EFHD1: variants seen among roughly 807,000 people sequenced by gnomAD.
EFHD1 encodes the protein EF-hand domain-containing protein D1.
Under a neutral mutation model 17.2 loss-of-function variants are expected in EFHD1, and 10 were observed. That is an observed-to-expected ratio of 0.58 (90% CI 0.36 to 0.99). The LOEUF (loss-of-function observed/expected upper bound fraction) is 0.99, where lower values mean the gene tolerates loss of function less well. EFHD1 is among the 50% of genes least tolerant of loss of function. The probability of loss-of-function intolerance (pLI) is 0.01; values close to 1 mark genes in which losing one functional copy is unlikely to be tolerated. For synonymous variants in EFHD1, 153 were observed against 142.0 expected (o/e 1.08, Z -0.55); for missense variants, 310 against 327.5 (o/e 0.95, Z 0.41).
chr2:232,651,469 G>C lies in EFHD1; in HGVS notation c.303-11333G>C, dbSNP rs549342792. ...TGTCTTAAGGGGCTTTCACACTGCA[G>C]TTGCTTGGAGAACCTTCTAGCAGGT... On this transcript the variant is annotated intron_variant, in intron 1 of 3. Transcript: ENST00000264059. 2.0e-5 allele frequency among the ~76,000 whole-genome samples: 3 copies of C among 152,310 alleles called. No homozygotes were observed. In the East Asian group the frequency reaches 5.8e-4, roughly 29 times the overall value.
At chr2:232,611,586 C>G (rs1050997975) in intron 1 of EFHD1, 4 of 152,254 alleles carry the variant, frequency 2.6e-5, no homozygotes, top group African/African-American at 9.6e-5. Flanking sequence ...CTCCCTCCCC[C>G]GGGGCAGAAC....
chr2:232,622,189 C>G (rs114580617), intron 1 of EFHD1, among the ~76,000 whole-genome samples: 1 of 152,282 alleles, frequency 6.6e-6, no homozygotes, highest in South Asian at 2.1e-4. Context: ...CATCTGGGGC[C>G]GGGCATGGTG....
At chr2:232,637,579 A>C (rs919611077) in intron 1 of EFHD1, among the ~76,000 whole-genome samples, 3 of 151,910 alleles carry the variant, frequency 2.0e-5, no homozygotes, top group African/African-American at 7.3e-5. Context: ...CCTGACCTCA[A>C]ATGATCCACC....
chr2:232,632,612 C>A (rs971243215), upstream of EFHD1, among the ~76,000 whole-genome samples: 1 of 152,000 alleles, frequency 6.6e-6, no homozygotes, highest in Non-Finnish European at 1.5e-5. Context: ...TTTTTCCTCC[C>A]CCTCTCCCTC....
intron 1 of EFHD1, chr2:232,638,320 G>A (rs1045796490): frequency 8.5e-6 from 4 of 470,648 alleles, no homozygotes; most frequent in Admixed American, 2.4e-5. Flanking sequence ...GGTTTTTGCA[G>A]CATACTAAAA....
At chr2:232,616,333 C>G (rs1264918626) in intron 1 of EFHD1, among the ~76,000 whole-genome samples, 1 of 151,966 alleles carries the variant, frequency 6.6e-6, no homozygotes, top group Admixed American at 6.6e-5. Flanking sequence ...GAGTCTCACT[C>G]TGTCGCCCAA....
intron 1 of EFHD1, among the ~76,000 whole-genome samples, chr2:232,636,917 C>T (rs987405140): frequency 7.9e-5 from 12 of 152,102 alleles, no homozygotes; most frequent in Admixed American, 7.2e-4. Context: ...TGATTTAGCC[C>T]ACAGTTTGAG....
At chr2:232,675,619 A>G (rs1270587582) in intron 3 of EFHD1, among the ~76,000 whole-genome samples, 1 of 152,140 alleles carries the variant, frequency 6.6e-6, no homozygotes, top group Non-Finnish European at 1.5e-5. Context: ...GGAGCCGTTG[A>G]GTGTTTGAGC....
chr2:232,657,204 C>G (rs1426879770), intron 1 of EFHD1, among the ~76,000 whole-genome samples: 1 of 152,172 alleles, frequency 6.6e-6, no homozygotes, highest in East Asian at 1.9e-4. Flanking sequence ...AAACTCTGTC[C>G]CCATTCAACA....
rs554461855 is a variant in EFHD1 at position 232,659,834 on chromosome 2, G to T, written c.303-2968G>T. ...GCAGCGTGTGCTTGGCTTCTGGGGAGGCCTCAGGAAACTTACAACCATGGC... is the reference window on the plus strand; with the variant it reads ...GCAGCGTGTGCTTGGCTTCTGGGGATGCCTCAGGAAACTTACAACCATGGC... On this transcript the variant is annotated intron_variant, in intron 1 of 3. Transcript: ENST00000264059. Among the ~76,000 whole-genome samples, 3 of 152,300 alleles carry T rather than the reference G, an allele frequency of 2.0e-5. No homozygotes were observed. The East Asian group carries it at 5.8e-4, about 29-fold the overall frequency.
chr2:232,655,998 G>A (rs1694754835), intron 1 of EFHD1, among the ~76,000 whole-genome samples: 1 of 151,856 alleles, frequency 6.6e-6, no homozygotes, highest in Admixed American at 6.6e-5. Context: ...AGTAGAGATG[G>A]GGTTTCACTG....
At chr2:232,632,467 A>G (rs1318737058), upstream of EFHD1, among the ~76,000 whole-genome samples, 1 of 152,216 alleles carries the variant, frequency 6.6e-6, no homozygotes, top group Non-Finnish European at 1.5e-5. Context: ...ACCCGTGTTT[A>G]CAAGATTCTC....
At chr2:232,664,368 G>C (rs1043609906) in intron 2 of EFHD1, among the ~76,000 whole-genome samples, 3 of 151,758 alleles carry the variant, frequency 2.0e-5, no homozygotes, top group Non-Finnish European at 4.4e-5. Flanking sequence ...CTCCGACTCA[G>C]CCTCCCAAAG....
At chr2:232,662,640 T>C in intron 1 of EFHD1, 162 bp from the exon 2 acceptor site, 1 of 875,690 alleles carries the variant, frequency 1.1e-6, no homozygotes, top group Non-Finnish European at 1.6e-6. Flanking sequence ...CCTGAAGCGC[T>C]CTGAGGAGAG....
At chr2:232,638,325 C>T (rs1455514420) in intron 1 of EFHD1, 18 of 470,856 alleles carry the variant, frequency 3.8e-5, no homozygotes, top group Non-Finnish European at 7.0e-5. Flanking sequence ...TTGCAGCATA[C>T]TAAAAGCTTG....
At chr2:232,642,428 T>C (rs944314724) in intron 1 of EFHD1, among the ~76,000 whole-genome samples, 1 of 150,466 alleles carries the variant, frequency 6.6e-6, no homozygotes. Context: ...TAATTAGCCT[T>C]GGGTGTCTGC....
At position 232,681,662 on chromosome 2, in the gene EFHD1, G is replaced by A. The variant is rs778863636; in HGVS notation, c.663G>A (p.Glu221=). The A allele has an allele frequency of 5.6e-6, 9 of 1,614,154 alleles. No homozygotes were observed. Among genetic ancestry groups the A allele is most frequent in the Non-Finnish European group, 7.6e-6 (9 of 1,180,058 alleles). Reference sequence around the variant, plus strand: ...AAGATGAGCGGAAGCGGGAGGAGGAGGAGAGGCGGCTCCGCCAGGCAGCCT... The same window carrying A: ...AAGATGAGCGGAAGCGGGAGGAGGAAGAGAGGCGGCTCCGCCAGGCAGCCT... ...AEQDERKREE[E]ERRLRQAAFQ... The change falls in exon 4 of 4, where the codon GAG becomes GAA. Residue 221 remains glutamate (E), a synonymous_variant. Coordinates refer to ENST00000264059, the MANE Select transcript of EFHD1 (RefSeq NM_025202.4).
chr2:232,661,094 G>A (rs1009341087), intron 1 of EFHD1, among the ~76,000 whole-genome samples: 2 of 152,000 alleles, frequency 1.3e-5, no homozygotes, highest in Non-Finnish European at 2.9e-5. Flanking sequence ...GTTGCAGTGA[G>A]CAGAGATCGT....
chr2:232,662,181 G>A (rs574003677), intron 1 of EFHD1, among the ~76,000 whole-genome samples: 26 of 152,124 alleles, frequency 1.7e-4, no homozygotes, highest in African/African-American at 6.3e-4. Flanking sequence ...CAGCAGAGGG[G>A]TGGCCCTGTT....
Sources: allele counts gnomAD v4.1 joint callset (sites outside exome capture counted in the v4.1 genomes callset), GRCh38; gene constraint gnomAD v4.1.1; transcripts MANE v1.5; gene names NCBI Gene and HGNC (gene_info 2026-07-23, HGNC 2026-07-21).